RARB: variants seen among roughly 807,000 people sequenced by gnomAD.
The protein encoded by RARB is retinoic acid receptor beta, also known as HBV-activated protein.
Under a neutral mutation model 51.9 loss-of-function variants are expected in RARB, and 17 were observed. The observed-to-expected ratio is 0.33, with a 90% CI of 0.22 to 0.49. RARB has a LOEUF of 0.49. Among genes scored for constraint, RARB ranks in the 20% least tolerant of loss-of-function variants. The pLI is 0.99. For synonymous variants in RARB, 215 were observed against 195.4 expected (o/e 1.10, Z -0.84); for missense variants, 369 against 550.8 (o/e 0.67, Z 3.30).
At chr3:25,003,227 T>A (rs1575114114) in intron 2 of RARB, among the ~76,000 whole-genome samples, 2 of 148,580 alleles carry the variant, frequency 1.3e-5, no homozygotes, top group Admixed American at 1.3e-4. Context: ...TGAAATCAAG[T>A]TCATTAGGAA....
chr3:24,942,046 T>A (rs1343471984), intron 2 of RARB, among the ~76,000 whole-genome samples: 1 of 152,220 alleles, frequency 6.6e-6, no homozygotes, highest in Non-Finnish European at 1.5e-5. Context: ...GTGAAAGGTT[T>A]CTTAGATATT....
At chr3:25,143,144 A>G (rs1700136017) in intron 4 of RARB, among the ~76,000 whole-genome samples, 2 of 152,100 alleles carry the variant, frequency 1.3e-5, no homozygotes, top group Non-Finnish European at 2.9e-5. Context: ...TTTGCCATTC[A>G]GGAGCCTGTA....
chr3:25,223,625 A>G (rs1482522057), intron 5 of RARB, among the ~76,000 whole-genome samples: 1 of 152,230 alleles, frequency 6.6e-6, no homozygotes, highest in Admixed American at 6.5e-5. Context: ...TTGTTAAATT[A>G]GTGAATGAAG....
At chr3:25,037,609 G>C (rs1698024127) in intron 2 of RARB, among the ~76,000 whole-genome samples, 1 of 152,136 alleles carries the variant, frequency 6.6e-6, no homozygotes, top group Non-Finnish European at 1.5e-5. Context: ...TATTGAATAG[G>C]TACTGTGGTG....
At chr3:25,141,358 T>C (rs1700103964) in intron 4 of RARB, among the ~76,000 whole-genome samples, 1 of 152,090 alleles carries the variant, frequency 6.6e-6, no homozygotes, top group Admixed American at 6.6e-5. Context: ...CTTTGATTTG[T>C]TTTTAGCTTA....
intron 5 of RARB, among the ~76,000 whole-genome samples, chr3:25,337,296 T>C (rs1705092369): frequency 6.6e-6 from 1 of 152,114 alleles, no homozygotes; most frequent in Non-Finnish European, 1.5e-5. Context: ...ATTTAAAAAG[T>C]ATTGTATGTA....
chr3:24,952,361 C>G (rs1395441758), intron 2 of RARB, among the ~76,000 whole-genome samples: 1 of 151,972 alleles, frequency 6.6e-6, no homozygotes, highest in Non-Finnish European at 1.5e-5. Flanking sequence ...TACCACCCAC[C>G]CAATGAAATA....
At chr3:24,928,123 A>T (rs141751704) in intron 2 of RARB, among the ~76,000 whole-genome samples, 199 of 152,190 alleles carry the variant, frequency 1.3e-3, no homozygotes, top group African/African-American at 4.5e-3. Context: ...TTCACATGGT[A>T]GAATTTTGAG....
intron 1 of RARB, among the ~76,000 whole-genome samples, chr3:24,839,091 G>A (rs1702383533): frequency 6.6e-6 from 1 of 151,990 alleles, no homozygotes; most frequent in Non-Finnish European, 1.5e-5. Context: ...TATTTAATAT[G>A]ATAGAAAATA....
chr3:25,122,649 T>C (rs1327070148), intron 3 of RARB, among the ~76,000 whole-genome samples: 3 of 152,084 alleles, frequency 2.0e-5, no homozygotes, highest in Non-Finnish European at 4.4e-5. Context: ...ATGTTCTAGC[T>C]CTATTAGTGA....
At chr3:25,410,936 A>G (rs550624868) in intron 5 of RARB, among the ~76,000 whole-genome samples, 1 of 152,362 alleles carries the variant, frequency 6.6e-6, no homozygotes, top group Admixed American at 6.5e-5. Flanking sequence ...ATTTGACATA[A>G]GAAGTCTAGG....
rs117115096 is a variant in RARB at position 25,080,201 on chromosome 3, G to C, written c.-328+20025G>C. Among the ~76,000 whole-genome samples the C allele has an allele frequency of 3.5e-4, 53 of 152,282 alleles. 1 individual carries two copies. The East Asian group carries it at 9.8e-3, about 28-fold the overall frequency. ...GAATCATACATTTGAGTTTGTGTCT[G>C]ATTTGTTTCACTTAGAAGAATGTTT... is the stretch of plus-strand genomic sequence containing the variant. On this transcript the variant is annotated intron_variant, in intron 3 of 11. Transcript: ENST00000383772.
chr3:24,948,224 A>T (rs1695815067), intron 2 of RARB, among the ~76,000 whole-genome samples: 1 of 139,402 alleles, frequency 7.2e-6, no homozygotes, highest in Admixed American at 6.8e-5. Flanking sequence ...AAGGCCAGGT[A>T]TAGGTAGCAC....
intron 2 of RARB, among the ~76,000 whole-genome samples, chr3:25,051,212 C>T (rs1276995246): frequency 1.3e-5 from 2 of 152,088 alleles, no homozygotes; most frequent in Admixed American, 6.5e-5. Flanking sequence ...GAGTTTAAAT[C>T]ACCTGTCAAG....
chr3:25,037,126 A>G (rs927750468), intron 2 of RARB, among the ~76,000 whole-genome samples: 2 of 152,160 alleles, frequency 1.3e-5, no homozygotes, highest in African/African-American at 4.8e-5. Flanking sequence ...GAGACATGGC[A>G]TTTGGCTTCA....
chr3:25,291,716 C>G (rs559562271), intron 5 of RARB, among the ~76,000 whole-genome samples: 12 of 152,108 alleles, frequency 7.9e-5, no homozygotes, highest in African/African-American at 2.9e-4. Flanking sequence ...TTTCAATAGA[C>G]TTTGATTGAA....
chr3:25,225,172 T>C (rs1366883428), intron 5 of RARB, among the ~76,000 whole-genome samples: 1 of 152,186 alleles, frequency 6.6e-6, no homozygotes, highest in African/African-American at 2.4e-5. Flanking sequence ...TATAAGATGC[T>C]TACTACATGT....
At chr3:24,879,498 T>TC (rs1409009234) in intron 2 of RARB, among the ~76,000 whole-genome samples, 2 of 150,072 alleles carry the variant, frequency 1.3e-5, no homozygotes, top group South Asian at 4.2e-4. Context: ...TTTTTTTTTT[T>TC]TTTTTCTTAA....
intron 2 of RARB, 134 bp downstream of exon 2, chr3:25,461,475 A>G: frequency 9.3e-7 from 1 of 1,071,556 alleles, no homozygotes; most frequent in Non-Finnish European, 1.3e-6. Context: ...AGTTATATTC[A>G]GTGGTTTTTA....
Sources: allele counts gnomAD v4.1 joint callset (sites outside exome capture counted in the v4.1 genomes callset), GRCh38; gene constraint gnomAD v4.1.1; transcripts MANE v1.5; gene names NCBI Gene and HGNC (gene_info 2026-07-23, HGNC 2026-07-21).